Variants in PCSK4 observed in about 807,000 individuals in gnomAD.
PCSK4 encodes proprotein convertase subtilisin/kexin type 4, also known as testicular tissue protein Li 135.
In PCSK4, 64 loss-of-function variants were observed where a neutral mutation model predicts 80.3. The ratio of observed to expected loss-of-function variants is 0.80; its 90% CI spans 0.65 to 0.98. The LOEUF (loss-of-function observed/expected upper bound fraction) is 0.98. Ranked by LOEUF, PCSK4 falls within the 50% of genes least tolerant of loss-of-function variation. PCSK4 has a pLI of 0.00. For missense variants in PCSK4, 1,213 were observed against 1,093.6 expected, an observed-to-expected ratio of 1.11 and a Z score of -1.54; for synonymous variants, 561 against 487.6, an observed-to-expected ratio of 1.15 and a Z score of -1.98.
chr19:1,487,608 A>T, exon 6 of PCSK4: 1 of 1,550,746 alleles, frequency 6.4e-7, no homozygotes, highest in South Asian at 1.2e-5. Context: ...GGTACCTCCG[A>T]TTCGGGCGTT....
intron 7 of PCSK4, 34 bp downstream of exon 7, chr19:1,487,107 C>T (rs779239337): frequency 3.7e-6 from 6 of 1,602,060 alleles, no homozygotes; most frequent in Middle Eastern, 1.7e-4. Flanking sequence ...TCGGCCTGGC[C>T]TGCCACCCCT....
Position 1,483,883 on chromosome 19 carries a change from G to C in PCSK4, c.1228C>G (p.His410Asp), listed in dbSNP as rs975189812. 9.4e-6 allele frequency: 14 copies of C among 1,494,912 alleles called. No homozygotes were observed. In the Admixed American group the frequency reaches 2.2e-4, roughly 24 times the overall value. 92.6% of individuals were successfully genotyped at this position (1,494,912 alleles called of 1,614,324 possible). Reference sequence around the variant, plus strand: ...GTCCTCCAGTCCTCGGCCTGCAGGTGCGCCGGCTTGGACGCGCGGACCACC... The same window carrying C: ...GTCCTCCAGTCCTCGGCCTGCAGGTCCGCCGGCTTGGACGCGCGGACCACC... Residue 410 changes from histidine (H) to aspartate (D), a missense_variant, in exon 10 of 15, where the codon CAC becomes GAC. Physicochemically the swap from His to Asp is moderately conservative, Grantham distance 81. Transcript: ENST00000300954.
At chr19:1,489,761 G>C (rs755843984) in intron 2 of PCSK4, 32 bp downstream of exon 2, 1 of 1,584,564 alleles carries the variant, frequency 6.3e-7, no homozygotes, top group African/African-American at 1.4e-5. Context: ...CTGAGACCCC[G>C]GGCAGGGGGT....
At chr19:1,483,107 C>A in intron 12 of PCSK4, 87 bp from the exon 13 acceptor site, 1 of 1,340,876 alleles carries the variant, frequency 7.5e-7, no homozygotes, top group Non-Finnish European at 1.0e-6. Flanking sequence ...TCTGACCGCA[C>A]GCGCTGGTGG....
intron 6 of PCSK4, 80 bp from the exon 7 acceptor site, chr19:1,487,393 C>G (rs1193657466): frequency 8.2e-7 from 1 of 1,219,570 alleles, no homozygotes; most frequent in Non-Finnish European, 1.1e-6. Context: ...CCACTCCACA[C>G]CACTCCCCAG....
chr19:1,487,989 T>G, exon 4 of PCSK4: 1 of 1,613,062 alleles, frequency 6.2e-7, no homozygotes, highest in African/African-American at 1.3e-5. Context: ...GTCCGGGTGG[T>G]CCTTCTCGAT....
At chr19:1,487,299 C>T (rs1420069747) in exon 7 of PCSK4, 7 of 1,593,718 alleles carry the variant, frequency 4.4e-6, no homozygotes, top group Non-Finnish European at 6.0e-6. Context: ...ATGGTACCGT[C>T]CAGCATCCGT....
chr19:1,490,305 C>A, exon 1 of PCSK4: 1 of 1,518,064 alleles, frequency 6.6e-7, no homozygotes, highest in South Asian at 1.2e-5. Context: ...GGGCCAGGGC[C>A]AAGACCAGGC....
exon 3 of PCSK4, chr19:1,488,274 A>G (rs772387112): frequency 6.2e-7 from 1 of 1,612,408 alleles, no homozygotes; most frequent in Admixed American, 1.7e-5. Flanking sequence ...TGCTGGAACC[A>G]CTGCACCTGC....
chr19:1,482,289 T>C, intron 14 of PCSK4, 64 bp downstream of exon 14: 1 of 1,531,384 alleles, frequency 6.5e-7, no homozygotes, highest in Non-Finnish European at 8.7e-7. Flanking sequence ...TGGGGCCACA[T>C]GCACGCTGCC....
intron 8 of PCSK4, 34 bp from the exon 9 acceptor site, chr19:1,484,161 G>C: frequency 1.2e-5 from 15 of 1,222,200 alleles, no homozygotes; most frequent in East Asian, 2.5e-5. Context: ...TCGGGGGGCC[G>C]TGCACAGTGA....
chr19:1,484,490 A>T (rs942077830), intron 8 of PCSK4, among the ~76,000 whole-genome samples: 1 of 147,264 alleles, frequency 6.8e-6, no homozygotes, highest in African/African-American at 2.5e-5. Context: ...CAGACTCTGG[A>T]TTAAAAAAAA....
intron 8 of PCSK4, among the ~76,000 whole-genome samples, chr19:1,485,877 C>T (rs1226894869): frequency 6.6e-6 from 1 of 151,956 alleles, no homozygotes; most frequent in Non-Finnish European, 1.5e-5. Flanking sequence ...TCTTCAAAAA[C>T]AAACAAATGA....
intron 8 of PCSK4, among the ~76,000 whole-genome samples, chr19:1,485,171 C>G (rs2145369327): frequency 6.6e-6 from 1 of 151,498 alleles, no homozygotes; most frequent in Admixed American, 6.6e-5. Context: ...AAAAAAGGTA[C>G]CAAGGACTCC....
In PCSK4 at chr19:1,487,204, G is replaced by A. The variant is rs377644270; in HGVS notation, c.792C>T (p.Asp264=). 2.2e-5 allele frequency: 36 copies of A among 1,607,864 alleles called. 1 individual carries two copies. The highest frequency in any genetic ancestry group is 3.3e-5 in the South Asian group (3 of 91,014). ...TGCCGGGGCCGTCCACCGTGCGGCC[G>A]TCGTCCTCGGGACCCCAGCTGGCGC... The change falls in exon 7 of 15, where the codon GAC becomes GAT. Residue 264 remains aspartate (D), a synonymous_variant. Transcript: ENST00000300954.
At chr19:1,490,697 G>T, upstream of PCSK4, 3 of 295,148 alleles carry the variant, frequency 1.0e-5, no homozygotes, top group South Asian at 3.0e-4. Flanking sequence ...AATCAGCCCG[G>T]CCTCCTGTCC....
At chr19:1,487,617 T>C (rs1245943194) in exon 6 of PCSK4, 3 of 1,552,112 alleles carry the variant, frequency 1.9e-6, no homozygotes, top group South Asian at 2.4e-5. Flanking sequence ...GATTCGGGCG[T>C]TGAAAGCGAC....
chr19:1,482,582 A>T (rs2084355911), intron 13 of PCSK4, 107 bp from the exon 14 acceptor site: 1 of 1,361,802 alleles, frequency 7.3e-7, no homozygotes, highest in Admixed American at 2.1e-5. Context: ...GGGGCCCTGG[A>T]CTGGTTCACA....
rs137925566 is a variant in PCSK4 at position 1,487,199 on chromosome 19, C to T, written c.797G>A (p.Arg266His). Reference sequence around the variant, plus strand: ...GAGGATGCCGGGGCCGTCCACCGTGCGGCCGTCGTCCTCGGGACCCCAGCT... The same window carrying T: ...GAGGATGCCGGGGCCGTCCACCGTGTGGCCGTCGTCCTCGGGACCCCAGCT... Residue 266 changes from arginine to histidine, a missense_variant, in exon 7 of 15, where the codon CGC becomes CAC. Arg to His is a conservative substitution (Grantham distance 29). Coordinates refer to ENST00000300954, the Ensembl canonical transcript of PCSK4. The T allele has an allele frequency of 4.3e-4, 691 of 1,607,952 alleles. 1 individual carries two copies. The African/African-American group carries it at 4.8e-3, about 11-fold the overall frequency.
Sources: gnomAD v4.1 joint callset for allele counts (sites outside exome capture counted in the v4.1 genomes callset) on GRCh38, gnomAD v4.1.1 for gene constraint, MANE v1.5 for transcripts, NCBI Gene and HGNC (gene_info 2026-07-23, HGNC 2026-07-21) for gene names.